The following SGCD variants were observed in gnomAD, a reference collection of about 807,000 sequenced individuals.
SGCD encodes sarcoglycan delta.
In SGCD, 18 loss-of-function variants were observed where a neutral mutation model predicts 36.6. That is an observed-to-expected ratio of 0.49 (90% CI 0.34 to 0.73). The LOEUF (loss-of-function observed/expected upper bound fraction) is 0.73. SGCD is among the 30% of genes least tolerant of loss of function. The probability of loss-of-function intolerance (pLI) is 0.01; values close to 1 mark genes in which losing one functional copy is unlikely to be tolerated. For synonymous variants in SGCD, 133 were observed against 130.6 expected (o/e 1.02, Z -0.12); for missense variants, 387 against 346.7 (o/e 1.12, Z -0.92).
chr5:156,375,504 A>G (rs534972327), intron 3 of SGCD, among the ~76,000 whole-genome samples: 1 of 150,812 alleles, frequency 6.6e-6, no homozygotes, highest in East Asian at 2.0e-4. Flanking sequence ...TGTGAGAGTG[A>G]GAAGGATGGT....
chr5:155,833,460 C>G, the SGCD span, among the ~76,000 whole-genome samples: 17 of 152,126 alleles, frequency 1.1e-4, no homozygotes, highest in African/African-American at 4.1e-4. Flanking sequence ...CAAGAGACCT[C>G]CTTTCCAATA....
chr5:155,727,909 AGGG>A, the SGCD span, among the ~76,000 whole-genome samples: 1 of 152,074 alleles, frequency 6.6e-6, no homozygotes, highest in African/African-American at 2.4e-5. Context: ...GGGAGTGGAG[AGGG>A]GGCTCAAGGA....
the SGCD span, among the ~76,000 whole-genome samples, chr5:155,849,579 T>G: frequency 6.6e-6 from 1 of 152,200 alleles, no homozygotes; most frequent in Non-Finnish European, 1.5e-5. Context: ...CTCGTGTAAG[T>G]TTTTGGAAGG....
chr5:156,508,445 C>T (rs1230251467), intron 3 of SGCD, among the ~76,000 whole-genome samples, 156 bp from the exon 4 acceptor site: 1 of 151,614 alleles, frequency 6.6e-6, no homozygotes, highest in East Asian at 1.9e-4. Flanking sequence ...TAAACAATAC[C>T]TCCTAATATT....
intron 6 of SGCD, among the ~76,000 whole-genome samples, chr5:156,608,658 C>T (rs1051082757): frequency 3.4e-4 from 51 of 152,014 alleles, no homozygotes; most frequent in African/African-American, 1.0e-3. Context: ...AAAGTCTCCC[C>T]TTATTATTGT....
intron 1 of SGCD, among the ~76,000 whole-genome samples, chr5:155,886,508 G>A (rs1237082699): frequency 4.7e-5 from 7 of 150,518 alleles, no homozygotes; most frequent in Admixed American, 4.6e-4. Context: ...GCACGCGCGC[G>A]TGCGTGTGTG....
the SGCD span, among the ~76,000 whole-genome samples, chr5:155,797,736 G>T: frequency 6.6e-6 from 1 of 152,170 alleles, no homozygotes; most frequent in Non-Finnish European, 1.5e-5. Context: ...CAACTAGAGG[G>T]TTGGGCCAGA....
At chr5:155,799,524 G>A in the SGCD span, among the ~76,000 whole-genome samples, 1 of 151,482 alleles carries the variant, frequency 6.6e-6, no homozygotes, top group Non-Finnish European at 1.5e-5. Flanking sequence ...CTCTTGAATA[G>A]CTAGGATTAC....
intron 3 of SGCD, among the ~76,000 whole-genome samples, chr5:156,188,801 T>G (rs2127631368): frequency 6.6e-6 from 1 of 152,174 alleles, no homozygotes; most frequent in African/African-American, 2.4e-5. Context: ...ACCGAGAGCG[T>G]AACCACATCT....
intron 1 of SGCD, among the ~76,000 whole-genome samples, chr5:156,085,044 A>T (rs756095401): frequency 2.6e-4 from 39 of 152,214 alleles, no homozygotes; most frequent in Non-Finnish European, 5.3e-4. Flanking sequence ...AATCTCAAAA[A>T]TCAATTGGTC....
chr5:156,479,053 A>G (rs1012082729), intron 3 of SGCD, among the ~76,000 whole-genome samples: 1 of 152,146 alleles, frequency 6.6e-6, no homozygotes, highest in East Asian at 1.9e-4. Flanking sequence ...TTTAACATTA[A>G]GACACTTTTA....
At chr5:155,793,054 G>T in the SGCD span, among the ~76,000 whole-genome samples, 15 of 152,224 alleles carry the variant, frequency 9.9e-5, no homozygotes, top group African/African-American at 3.6e-4. Flanking sequence ...CACATACACC[G>T]TGGAATACTA....
intron 7 of SGCD, among the ~76,000 whole-genome samples, chr5:156,727,726 A>G (rs1053781656): frequency 4.6e-5 from 7 of 152,194 alleles, no homozygotes; most frequent in African/African-American, 1.7e-4. Flanking sequence ...CCAATATTAC[A>G]TGAGTCATGA....
At chr5:156,000,089 C>A (rs1251189554) in intron 1 of SGCD, among the ~76,000 whole-genome samples, 6 of 152,182 alleles carry the variant, frequency 3.9e-5, no homozygotes, top group Non-Finnish European at 8.8e-5. Context: ...AGCCCTGGGA[C>A]CTAGGCTGCC....
chr5:156,633,946 G>A (rs915260453), intron 6 of SGCD, among the ~76,000 whole-genome samples: 1 of 152,052 alleles, frequency 6.6e-6, no homozygotes, highest in Non-Finnish European at 1.5e-5. Flanking sequence ...GTGGGCCAAG[G>A]GTACTGTCTT....
chr5:156,097,371 G>A (rs1318571730), intron 1 of SGCD, among the ~76,000 whole-genome samples: 1 of 151,964 alleles, frequency 6.6e-6, no homozygotes, highest in Non-Finnish European at 1.5e-5. Flanking sequence ...TTTGTTATTG[G>A]TCTCTGGGGC....
chr5:155,809,945 A>C, the SGCD span, among the ~76,000 whole-genome samples: 2 of 152,196 alleles, frequency 1.3e-5, no homozygotes, highest in African/African-American at 2.4e-5. Context: ...TCTTGTCCTA[A>C]ATGAAAAGTA....
intron 6 of SGCD, among the ~76,000 whole-genome samples, chr5:156,609,265 G>C (rs185139641): frequency 3.1e-4 from 47 of 152,172 alleles, no homozygotes; most frequent in African/African-American, 9.9e-4. Flanking sequence ...CTCAGCATTT[G>C]CTTGTCTGTA....
chr5:156,131,319 A>C (rs766387171), intron 3 of SGCD, among the ~76,000 whole-genome samples: 2 of 152,220 alleles, frequency 1.3e-5, no homozygotes, highest in Non-Finnish European at 2.9e-5. Flanking sequence ...ATGACCAATG[A>C]CAAGTCACTG....
Sources: allele counts gnomAD v4.1 joint callset (sites outside exome capture counted in the v4.1 genomes callset), GRCh38; gene constraint gnomAD v4.1.1; transcripts MANE v1.5; gene names NCBI Gene and HGNC (gene_info 2026-07-23, HGNC 2026-07-21).